Variants in LRRC4C observed in about 807,000 individuals in gnomAD.
LRRC4C encodes leucine rich repeat containing 4C.
A neutral mutation model predicts 33.6 loss-of-function variants in LRRC4C; 5 were observed. The observed-to-expected ratio is 0.15, with a 90% CI of 0.08 to 0.31. The LOEUF is 0.31. Among genes scored for constraint, LRRC4C ranks in the 10% least tolerant of loss-of-function variants. The pLI, the probability that LRRC4C is intolerant of heterozygous loss-of-function variation, is 1.00. For missense variants in LRRC4C, 560 were observed against 796.7 expected (o/e 0.70, Z 3.58); for synonymous variants, 329 against 302.0 (o/e 1.09, Z -0.93).
intron 4 of LRRC4C, among the ~76,000 whole-genome samples, chr11:40,304,303 C>T (rs753157625): frequency 6.6e-5 from 10 of 151,958 alleles, no homozygotes; most frequent in South Asian, 4.1e-4. Flanking sequence ...TAAATGCCAC[C>T]GGATTTCAAA....
intron 2 of LRRC4C, among the ~76,000 whole-genome samples, chr11:40,862,568 G>GTT (rs1954156343): frequency 6.6e-6 from 1 of 152,160 alleles, no homozygotes; most frequent in African/African-American, 2.4e-5. Flanking sequence ...ACAACTGACT[G>GTT]TTAAAATACT....
At chr11:40,418,300 G>A (rs1270468991) in intron 3 of LRRC4C, among the ~76,000 whole-genome samples, 3 of 151,860 alleles carry the variant, frequency 2.0e-5, no homozygotes, top group Admixed American at 1.3e-4. Context: ...AGTGGCAAAG[G>A]AAAAGAACAG....
At position 40,941,973 on chromosome 11, in the gene LRRC4C, T is replaced by C. The variant is rs80297267; in HGVS notation, c.-495-8250A>G. ...CACTGAGACAGGGTTAGACACACAA[T>C]AAATTTATTGGCAGATATTACTGTG... On this transcript the variant is annotated intron_variant, in intron 1 of 6. Coordinates refer to ENST00000528697, the MANE Select transcript of LRRC4C (RefSeq NM_001258419.2). Among the ~76,000 whole-genome samples the C allele has an allele frequency of 9.6e-3, 1,467 of 152,202 alleles. 7 individuals are homozygous for C. The highest frequency in any genetic ancestry group is 0.016 in the Non-Finnish European group (1,094 of 68,002).
chr11:40,398,945 G>C (rs903892844), intron 3 of LRRC4C, among the ~76,000 whole-genome samples: 2 of 152,100 alleles, frequency 1.3e-5, no homozygotes, highest in African/African-American at 2.4e-5. Flanking sequence ...CGTTAAAGCT[G>C]CTTCTGAACT....
At chr11:40,459,449 T>C (rs1248958464) in intron 3 of LRRC4C, among the ~76,000 whole-genome samples, 2 of 152,144 alleles carry the variant, frequency 1.3e-5, no homozygotes, top group Non-Finnish European at 2.9e-5. Context: ...AAAGGAAGCA[T>C]TATAACTTAT....
At chr11:40,583,286 C>T (rs1161214179) in intron 3 of LRRC4C, among the ~76,000 whole-genome samples, 2 of 152,274 alleles carry the variant, frequency 1.3e-5, no homozygotes, top group East Asian at 1.9e-4. Context: ...CTTCACTTTT[C>T]CCCCTCTGCT....
intron 3 of LRRC4C, among the ~76,000 whole-genome samples, chr11:40,349,091 T>C (rs1368872001): frequency 6.6e-6 from 1 of 152,218 alleles, no homozygotes; most frequent in South Asian, 2.1e-4. Flanking sequence ...ATTGCAATTA[T>C]ACTCTTTTAG....
intron 2 of LRRC4C, among the ~76,000 whole-genome samples, chr11:40,832,702 T>G (rs1330840380): frequency 2.0e-5 from 3 of 152,144 alleles, no homozygotes; most frequent in Non-Finnish European, 4.4e-5. Flanking sequence ...TTGGATACAT[T>G]TATTATTTTA....
At chr11:40,184,233 A>G (rs370022623) in intron 5 of LRRC4C, among the ~76,000 whole-genome samples, 1 of 152,192 alleles carries the variant, frequency 6.6e-6, no homozygotes, top group African/African-American at 2.4e-5. Context: ...AGAGTATTCA[A>G]ATTGGCTCAT....
intron 2 of LRRC4C, among the ~76,000 whole-genome samples, chr11:40,673,820 G>A (rs1258553048): frequency 6.6e-6 from 1 of 152,204 alleles, no homozygotes; most frequent in African/African-American, 2.4e-5. Context: ...TGGTTTGAGA[G>A]CCACTGATCC....
chr11:41,249,036 C>CTTTTTTT (rs554360740), intron 1 of LRRC4C, among the ~76,000 whole-genome samples: 5 of 148,984 alleles, frequency 3.4e-5, no homozygotes, highest in Non-Finnish European at 5.9e-5. Flanking sequence ...AAGATACTGT[C>CTTTTTTT]TTCTTTTTTT....
chr11:40,606,181 C>A (rs147638209), intron 3 of LRRC4C, among the ~76,000 whole-genome samples: 2 of 152,262 alleles, frequency 1.3e-5, no homozygotes, highest in Middle Eastern at 3.4e-3. Context: ...ACTAATGAAG[C>A]TTGGCAAATT....
intron 4 of LRRC4C, among the ~76,000 whole-genome samples, chr11:40,315,685 C>T (rs1238804895): frequency 6.6e-6 from 1 of 151,822 alleles, no homozygotes; most frequent in Non-Finnish European, 1.5e-5. Flanking sequence ...AATGATCATG[C>T]CTGTAGATAT....
intron 1 of LRRC4C, among the ~76,000 whole-genome samples, chr11:41,106,573 CA>C (rs1941507993): frequency 1.3e-5 from 2 of 152,022 alleles, no homozygotes; most frequent in African/African-American, 4.8e-5. Context: ...CGTATCACAC[CA>C]AAACCCATTC....
rs571032012 is a variant in LRRC4C at position 40,964,678 on chromosome 11, T to C, written c.-495-30955A>G. 2.5e-4 allele frequency among the ~76,000 whole-genome samples: 38 copies of C among 152,038 alleles called. No homozygotes were observed. In the South Asian group the frequency reaches 5.6e-3, roughly 23 times the overall value. ...GAATGATGGTTTCCAGTTTCATCCA[T>C]GTCCCTACAAAGGACATGAACTCAT... On this transcript the variant is annotated intron_variant, in intron 1 of 6. Coordinates refer to ENST00000528697, the MANE Select transcript of LRRC4C (RefSeq NM_001258419.2).
chr11:40,567,428 A>C (rs1210748295), intron 3 of LRRC4C, among the ~76,000 whole-genome samples: 2 of 152,292 alleles, frequency 1.3e-5, no homozygotes, highest in East Asian at 3.9e-4. Context: ...ATCTCTTTTA[A>C]TCCTTCCAAC....
At chr11:41,308,698 G>C (rs1377745157) in intron 1 of LRRC4C, among the ~76,000 whole-genome samples, 2 of 152,050 alleles carry the variant, frequency 1.3e-5, no homozygotes, top group Non-Finnish European at 2.9e-5. Context: ...AAGAGCAAAG[G>C]GCTATTAAAA....
intron 1 of LRRC4C, among the ~76,000 whole-genome samples, chr11:41,215,036 A>ATATG (rs1357938795): frequency 6.9e-6 from 1 of 145,868 alleles, no homozygotes; most frequent in Non-Finnish European, 1.5e-5. Context: ...ATATATATAT[A>ATATG]TATCACATTT....
At chr11:41,273,039 T>C (rs10837608) in intron 1 of LRRC4C, among the ~76,000 whole-genome samples, 35,679 of 152,072 alleles carry the variant, frequency 0.23, 4,950 homozygotes, top group African/African-American at 0.39. Context: ...TTTGGTGTCA[T>C]ATAGCTCATA....
Sources: gnomAD v4.1 joint callset for allele counts (sites outside exome capture counted in the v4.1 genomes callset) on GRCh38, gnomAD v4.1.1 for gene constraint, MANE v1.5 for transcripts, NCBI Gene and HGNC (gene_info 2026-07-23, HGNC 2026-07-21) for gene names.